The following LRP1B variants were observed in gnomAD, a reference collection of about 807,000 sequenced individuals.
The protein encoded by LRP1B is LDL receptor related protein 1B, also known as low-density lipoprotein receptor-related protein 1B.
LRP1B carries 217 observed loss-of-function variants against 556.6 expected under a neutral mutation model. That is an observed-to-expected ratio of 0.39 (90% confidence interval 0.35 to 0.44). The LOEUF (loss-of-function observed/expected upper bound fraction) is 0.44, where lower values mean the gene tolerates loss of function less well. LRP1B is among the 20% of genes least tolerant of loss of function. The pLI is 1.00. For missense variants in LRP1B, 5,053 were observed against 5,620.8 expected (o/e 0.90, Z 3.23); for synonymous variants, 2,047 against 1,865.8 (o/e 1.10, Z -2.50).
chr2:141,700,572 G>T (rs972422027), intron 2 of LRP1B, among the ~76,000 whole-genome samples: 3 of 151,654 alleles, frequency 2.0e-5, no homozygotes, highest in Non-Finnish European at 4.4e-5. Context: ...CAAAGTGAAG[G>T]CCTCAGAAGC....
rs1463126413 is a variant in LRP1B, at chr2:141,180,710, C to A, written c.1013+7711G>T. On this transcript the variant is annotated intron_variant, in intron 7 of 90. Coordinates refer to ENST00000389484, the MANE Select transcript of LRP1B (RefSeq NM_018557.3). ...TAAAATGTTGCCAAAAATTAAAAAA[C>A]CCAAAAAACAAAACAAAAACCCTAT... Among the ~76,000 whole-genome samples the A allele has an allele frequency of 3.3e-5, 5 of 151,768 alleles. No homozygotes were observed. The East Asian group carries it at 7.8e-4, about 24-fold the overall frequency.
intron 2 of LRP1B, among the ~76,000 whole-genome samples, chr2:141,536,602 T>C (rs748461026): frequency 2.5e-4 from 38 of 152,020 alleles, no homozygotes; most frequent in Non-Finnish European, 5.0e-4. Context: ...AAGTTTCACA[T>C]TCAATAATGC....
chr2:140,779,479 G>A (rs1478993865), intron 32 of LRP1B, among the ~76,000 whole-genome samples: 2 of 151,914 alleles, frequency 1.3e-5, no homozygotes, highest in Admixed American at 6.6e-5. Context: ...GGTGGATCAC[G>A]AGGTCAGGAG....
chr2:142,080,355 A>G (rs1705665320), intron 1 of LRP1B, among the ~76,000 whole-genome samples: 1 of 152,184 alleles, frequency 6.6e-6, no homozygotes, highest in Non-Finnish European at 1.5e-5. Context: ...ATAGAAAAGA[A>G]AAGATGGCTG....
chr2:140,744,061 T>C (rs412416), intron 35 of LRP1B, among the ~76,000 whole-genome samples: 33,060 of 148,292 alleles, frequency 0.22, 3,743 homozygotes, highest in East Asian at 0.3. Context: ...TGAGAAGATG[T>C]TAATCAAAGG....
intron 45 of LRP1B, among the ~76,000 whole-genome samples, chr2:140,537,959 C>T (rs958000273): frequency 1.3e-5 from 2 of 152,030 alleles, no homozygotes; most frequent in Non-Finnish European, 2.9e-5. Flanking sequence ...TGTACGTACT[C>T]ACCCCATTGC....
At chr2:141,898,522 G>T (rs1225539352) in intron 1 of LRP1B, among the ~76,000 whole-genome samples, 2 of 152,108 alleles carry the variant, frequency 1.3e-5, no homozygotes, top group Non-Finnish European at 2.9e-5. Context: ...AATTGTAGAA[G>T]ATTAATTATA....
chr2:140,996,693 A>G (rs1697256263), intron 15 of LRP1B, among the ~76,000 whole-genome samples: 1 of 151,986 alleles, frequency 6.6e-6, no homozygotes, highest in African/African-American at 2.4e-5. Context: ...GGAAAACCAC[A>G]TCCTTTCAAC....
intron 21 of LRP1B, among the ~76,000 whole-genome samples, chr2:140,916,447 T>C (rs1167581447): frequency 1.3e-5 from 2 of 152,226 alleles, no homozygotes; most frequent in African/African-American, 4.8e-5. Context: ...GAATTTTCAT[T>C]ACATAGCAGA....
At chr2:140,730,756 A>G (rs554681765) in intron 35 of LRP1B, among the ~76,000 whole-genome samples, 13 of 152,190 alleles carry the variant, frequency 8.5e-5, no homozygotes, top group Non-Finnish European at 1.8e-4. Flanking sequence ...ACGGAGTTTC[A>G]CTGTGTTGGC....
chr2:141,797,167 ATATATATATATATATATATAAC>A (rs1454897884), intron 2 of LRP1B, among the ~76,000 whole-genome samples: 3 of 87,672 alleles, frequency 3.4e-5, no homozygotes, highest in African/African-American at 1.0e-4. Context: ...ATATATATAT[ATATATATATATATATATATAAC>A]TATATATATC....
chr2:140,394,124 ATTTTTT>A (rs34965660), intron 66 of LRP1B, among the ~76,000 whole-genome samples: 17 of 122,500 alleles, frequency 1.4e-4, no homozygotes, highest in South Asian at 2.7e-4. Context: ...ACTGGCACAT[ATTTTTT>A]TTTTTTTTTT....
chr2:140,952,988 AAAG>A (rs561306890), intron 18 of LRP1B, among the ~76,000 whole-genome samples: 1 of 152,206 alleles, frequency 6.6e-6, no homozygotes, highest in Non-Finnish European at 1.5e-5. Flanking sequence ...AAAGATATTT[AAAG>A]AAGAAAAATA....
intron 1 of LRP1B, among the ~76,000 whole-genome samples, chr2:142,088,291 T>G (rs1403226883): frequency 6.6e-6 from 1 of 152,194 alleles, no homozygotes; most frequent in Non-Finnish European, 1.5e-5. Flanking sequence ...TAGTTATTTC[T>G]TTCTCAGCAA....
intron 2 of LRP1B, among the ~76,000 whole-genome samples, chr2:141,542,554 A>C (rs1012136933): frequency 6.6e-6 from 1 of 152,092 alleles, no homozygotes; most frequent in Non-Finnish European, 1.5e-5. Context: ...CTGATATAGA[A>C]GGTTGTATGC....
intron 41 of LRP1B, among the ~76,000 whole-genome samples, chr2:140,669,720 G>A (rs2105355783): frequency 6.6e-6 from 1 of 151,622 alleles, no homozygotes; most frequent in Middle Eastern, 3.4e-3. Context: ...TTTATTATTG[G>A]TTGTAACATT....
intron 1 of LRP1B, among the ~76,000 whole-genome samples, chr2:141,914,045 C>T (rs1027701340): frequency 1.3e-5 from 2 of 152,164 alleles, no homozygotes; most frequent in Admixed American, 6.5e-5. Flanking sequence ...TGTGCCTGGC[C>T]AACCCTCCTT....
chr2:141,204,414 G>T (rs1682180389), intron 6 of LRP1B, among the ~76,000 whole-genome samples: 1 of 152,066 alleles, frequency 6.6e-6, no homozygotes, highest in African/African-American at 2.4e-5. Context: ...ATCCGGATTT[G>T]GGATGGTCCT....
At chr2:142,081,323 A>C (rs1051482172) in intron 1 of LRP1B, among the ~76,000 whole-genome samples, 1 of 152,076 alleles carries the variant, frequency 6.6e-6, no homozygotes, top group Non-Finnish European at 1.5e-5. Context: ...GAAATGAGGG[A>C]GTTTTTTTTT....
Sources: allele counts gnomAD v4.1 joint callset (sites outside exome capture counted in the v4.1 genomes callset), GRCh38; gene constraint gnomAD v4.1.1; transcripts MANE v1.5; gene names NCBI Gene and HGNC (gene_info 2026-07-23, HGNC 2026-07-21).